The following BCKDHB variants were observed in gnomAD, a reference collection of about 807,000 sequenced individuals.
BCKDHB encodes the protein 2-oxoisovalerate dehydrogenase subunit beta, mitochondrial.
In BCKDHB, 41 loss-of-function variants were observed where a neutral mutation model predicts 48.5. The ratio of observed to expected loss-of-function variants is 0.85; its 90% confidence interval spans 0.66 to 1.10. The LOEUF (loss-of-function observed/expected upper bound fraction) is 1.10. Among genes scored for constraint, BCKDHB ranks in the 50% least tolerant of loss-of-function variants. The pLI, the probability that BCKDHB is intolerant of heterozygous loss-of-function variation, is 0.00. For synonymous variants in BCKDHB, 201 were observed against 174.8 expected, an observed-to-expected ratio of 1.15 and a Z score of -1.18; for missense variants, 496 against 494.2, an observed-to-expected ratio of 1.00 and a Z score of -0.03.
intron 8 of BCKDHB, among the ~76,000 whole-genome samples, chr6:80,261,402 AG>A (rs1304634636): frequency 6.6e-6 from 1 of 151,836 alleles, no homozygotes; most frequent in Non-Finnish European, 1.5e-5. Flanking sequence ...CCAGGGGAGG[AG>A]GGGGAAAGAA....
At chr6:80,119,699 C>T (rs534589852) in intron 1 of BCKDHB, among the ~76,000 whole-genome samples, 1 of 152,194 alleles carries the variant, frequency 6.6e-6, no homozygotes, top group African/African-American at 2.4e-5. Context: ...AGAAGATTTT[C>T]AATTTACTTT....
At chr6:80,180,565 A>G (rs76186381) in intron 6 of BCKDHB, among the ~76,000 whole-genome samples, 1 of 152,230 alleles carries the variant, frequency 6.6e-6, no homozygotes, top group Non-Finnish European at 1.5e-5. Context: ...GGAAATCAAG[A>G]CAGACTAAAA....
chr6:80,430,521 A>G, the BCKDHB span, among the ~76,000 whole-genome samples: 43 of 152,216 alleles, frequency 2.8e-4, no homozygotes, highest in African/African-American at 9.9e-4. Context: ...TAGGCTATTA[A>G]TTACTGCCTC....
the BCKDHB span, among the ~76,000 whole-genome samples, chr6:80,419,670 A>C: frequency 6.6e-6 from 1 of 152,136 alleles, no homozygotes; most frequent in Non-Finnish European, 1.5e-5. Context: ...GTGGTGTTTG[A>C]GGGGTCTCTT....
the BCKDHB span, among the ~76,000 whole-genome samples, chr6:80,361,090 A>T: frequency 6.6e-6 from 1 of 151,552 alleles, no homozygotes; most frequent in African/African-American, 2.4e-5. Flanking sequence ...TTCTCCCTTC[A>T]TGTCTTCCAG....
chr6:80,320,806 A>G (rs1191702494), intron 9 of BCKDHB, among the ~76,000 whole-genome samples: 3 of 152,236 alleles, frequency 2.0e-5, no homozygotes, highest in African/African-American at 7.2e-5. Flanking sequence ...CAGTGAAAGC[A>G]AATATTTTCT....
the BCKDHB span, among the ~76,000 whole-genome samples, chr6:80,423,937 C>A: frequency 4.6e-5 from 7 of 152,134 alleles, no homozygotes; most frequent in Admixed American, 1.3e-4. Context: ...TAGAAAGCAT[C>A]TTTAAATGGT....
the BCKDHB span, among the ~76,000 whole-genome samples, chr6:80,457,696 C>T: frequency 9.2e-5 from 14 of 152,160 alleles, no homozygotes; most frequent in African/African-American, 3.1e-4. Context: ...TCTCATCTAC[C>T]GGGAAGTCAG....
the BCKDHB span, among the ~76,000 whole-genome samples, chr6:80,381,060 G>A: frequency 1.3e-5 from 2 of 151,900 alleles, no homozygotes; most frequent in Non-Finnish European, 2.9e-5. Flanking sequence ...TGGAAGGTAG[G>A]TATATAATTC....
chr6:80,124,286 AT>A (rs1375991340), intron 1 of BCKDHB, among the ~76,000 whole-genome samples: 1 of 152,106 alleles, frequency 6.6e-6, no homozygotes, highest in African/African-American at 2.4e-5. Flanking sequence ...GTTCTTTTAC[AT>A]TTGCTGAAAA....
At chr6:80,404,686 T>C in the BCKDHB span, among the ~76,000 whole-genome samples, 53 of 152,158 alleles carry the variant, frequency 3.5e-4, no homozygotes, top group African/African-American at 1.3e-3. Context: ...TTTTTCTTAA[T>C]GTATGTTGTT....
chr6:80,230,196 G>A (rs999009330), intron 8 of BCKDHB, among the ~76,000 whole-genome samples: 7 of 150,032 alleles, frequency 4.7e-5, no homozygotes, highest in Non-Finnish European at 8.9e-5. Flanking sequence ...CCACCACCAC[G>A]CCCGGCTAAT....
the BCKDHB span, among the ~76,000 whole-genome samples, chr6:80,359,264 C>T: frequency 3.9e-5 from 6 of 152,128 alleles, no homozygotes; most frequent in Admixed American, 6.5e-5. Context: ...TTGTTCTCCT[C>T]GTAGGAGGGC....
chr6:80,246,630 A>T (rs1461062263), intron 8 of BCKDHB, among the ~76,000 whole-genome samples: 2 of 152,110 alleles, frequency 1.3e-5, no homozygotes, highest in Non-Finnish European at 2.9e-5. Flanking sequence ...GCTCATTCTA[A>T]CCTGGCAGAC....
chr6:80,110,729 GGACCT>G lies in BCKDHB; in HGVS notation c.196+3841_196+3845del, dbSNP rs1364398528. Among the ~76,000 whole-genome samples the G allele has an allele frequency of 2.6e-5, 4 of 152,342 alleles. No individual in the cohort carries two copies. The East Asian group carries it at 7.7e-4, about 29-fold the overall frequency. On this transcript the variant is annotated intron_variant, in intron 1 of 9. Transcript: ENST00000320393. ...GTATATGGATCTGCCACCAATGGGTGGACCTACCAGTGGGTCTTAAGAGCCCAGGG... is the reference window on the plus strand; with the variant it reads ...GTATATGGATCTGCCACCAATGGGTGACCAGTGGGTCTTAAGAGCCCAGGG...
At chr6:80,369,027 C>CG in the BCKDHB span, among the ~76,000 whole-genome samples, 137,919 of 146,010 alleles carry the variant, frequency 0.94, 65,796 homozygotes, top group East Asian at 1. Context: ...AAAAAAAAAA[C>CG]AAAAGAAAAG....
rs182858487 is a variant in BCKDHB, at chr6:80,318,756, T to A, written c.1039-24908T>A. On this transcript the variant is annotated intron_variant, in intron 9 of 9. Transcript: ENST00000320393. ...ACTGAACATGTACAGACTTTTTTTT[T>A]ATTGTCATTGTTTCCTAGGCAACAC... is the stretch of plus-strand genomic sequence containing the variant. Among the ~76,000 whole-genome samples the A allele has an allele frequency of 6.6e-3, 998 of 151,984 alleles. 14 individuals are homozygous for A. The highest frequency in any genetic ancestry group is 0.023 in the African/African-American group (939 of 41,484).
At chr6:80,171,192 A>G (rs1772895825) in intron 5 of BCKDHB, 90 bp from the exon 6 acceptor site, 2 of 728,408 alleles carry the variant, frequency 2.7e-6, no homozygotes. Context: ...ATTAGTAACA[A>G]TTGATTATTT....
At chr6:80,430,233 T>C in the BCKDHB span, among the ~76,000 whole-genome samples, 1 of 152,218 alleles carries the variant, frequency 6.6e-6, no homozygotes, top group Non-Finnish European at 1.5e-5. Context: ...TCATGGTGGA[T>C]AAGCTTTTTG....
Sources: allele counts gnomAD v4.1 joint callset (sites outside exome capture counted in the v4.1 genomes callset), GRCh38; gene constraint gnomAD v4.1.1; transcripts MANE v1.5; gene names NCBI Gene and HGNC (gene_info 2026-07-23, HGNC 2026-07-21).